The following AMBRA1 variants were observed in gnomAD, a reference collection of about 807,000 sequenced individuals.
The protein encoded by AMBRA1 is activating molecule in BECN1-regulated autophagy protein 1.
AMBRA1 carries 47 observed loss-of-function variants against 125.4 expected under a neutral mutation model. The observed-to-expected ratio is 0.37, with a 90% CI of 0.30 to 0.48. The LOEUF (loss-of-function observed/expected upper bound fraction) is 0.48, where lower values mean the gene tolerates loss of function less well. Ranked by LOEUF, AMBRA1 falls within the 20% of genes least tolerant of loss-of-function variation. The pLI is 0.99. For synonymous variants in AMBRA1, 626 were observed against 655.5 expected (o/e 0.95, Z 0.69); for missense variants, 1,331 against 1,693.4 (o/e 0.79, Z 3.76).
At chr11:46,562,254 A>G (rs1361759923) in intron 1 of AMBRA1, among the ~76,000 whole-genome samples, 2 of 152,230 alleles carry the variant, frequency 1.3e-5, no homozygotes, top group Non-Finnish European at 2.9e-5. Flanking sequence ...AGGAGTACCA[A>G]GTACTAAGGT....
chr11:46,527,193 TAGG>T (rs1021434445), intron 7 of AMBRA1, among the ~76,000 whole-genome samples: 1 of 151,844 alleles, frequency 6.6e-6, no homozygotes, highest in African/African-American at 2.4e-5. Context: ...ATCAAAGAAG[TAGG>T]AGGCCAGCAG....
At chr11:46,487,898 A>G (rs1399159512) in intron 11 of AMBRA1, among the ~76,000 whole-genome samples, 2 of 152,204 alleles carry the variant, frequency 1.3e-5, no homozygotes, top group African/African-American at 4.8e-5. Context: ...AGCTCCAATC[A>G]TATGCTTTCT....
intron 11 of AMBRA1, among the ~76,000 whole-genome samples, chr11:46,482,768 T>A (rs1950122663): frequency 1.3e-5 from 2 of 152,046 alleles, no homozygotes; most frequent in African/African-American, 4.8e-5. Flanking sequence ...CCCAGCACTT[T>A]GGGGTGCCGA....
At chr11:46,558,511 T>C (rs1304559599) in intron 1 of AMBRA1, among the ~76,000 whole-genome samples, 3 of 125,198 alleles carry the variant, frequency 2.4e-5, no homozygotes, top group Non-Finnish European at 4.6e-5. Flanking sequence ...ATCCCACTAC[T>C]GCAATCCAGC....
Position 46,542,145 on chromosome 11 carries a change from G to A in AMBRA1, c.1872C>T (p.Gly624=), listed in dbSNP as rs1952777821. 4 of 1,613,934 alleles carry A rather than the reference G, an allele frequency of 2.5e-6. No homozygotes were observed. The highest frequency in any genetic ancestry group is 2.5e-6 in the Non-Finnish European group (3 of 1,179,902). ...SQLPPLERTE[G]QTPSSSRLEL... is the part of the protein sequence containing the mutation. ...CCAGCCTGCTGGAGCTGGGCGTTTG[G>A]CCCTCAGTCCGCTCGAGAGGTGGCA... The change falls in exon 7 of 18, where the codon GGC becomes GGT. Residue 624 remains glycine (G), a synonymous_variant. Transcript: ENST00000683756. This position sits in a 1 kb window ranked among gnomAD's most constrained non-coding sequence, Gnocchi z 5.9.
intron 14 of AMBRA1, among the ~76,000 whole-genome samples, chr11:46,424,969 T>C (rs1398799776): frequency 6.6e-6 from 1 of 152,026 alleles, no homozygotes; most frequent in Non-Finnish European, 1.5e-5. Flanking sequence ...ACCCCATCTC[T>C]ACTAAAAATA....
At chr11:46,564,836 T>C (rs747702592) in intron 1 of AMBRA1, among the ~76,000 whole-genome samples, 1 of 152,250 alleles carries the variant, frequency 6.6e-6, no homozygotes, top group African/African-American at 2.4e-5. Flanking sequence ...ATTTGTAATA[T>C]ATACACAGAT....
chr11:46,554,076 G>A (rs2043096856), intron 1 of AMBRA1, among the ~76,000 whole-genome samples: 2 of 152,078 alleles, frequency 1.3e-5, no homozygotes, highest in South Asian at 2.1e-4. Flanking sequence ...CCAGGAAAGT[G>A]CCAAAAATAC....
chr11:46,584,535 A>T (rs1484677806), intron 1 of AMBRA1, among the ~76,000 whole-genome samples: 1 of 151,954 alleles, frequency 6.6e-6, no homozygotes, highest in Non-Finnish European at 1.5e-5. Flanking sequence ...ATAATAATAA[A>T]AAGAAAAAAA....
At position 46,521,471 on chromosome 11, in the gene AMBRA1, G is replaced by A. The variant is rs550946166; in HGVS notation, c.2073-8658C>T. Among the ~76,000 whole-genome samples the A allele has an allele frequency of 1.8e-4, 27 of 152,386 alleles. No homozygotes were observed. In the South Asian group the frequency reaches 2.5e-3, roughly 14 times the overall value. ...GGCAGGAGGCCAAATAAACTTGAAC[G>A]CACTGTGGCTTTCTTCATTTCTGAA... On this transcript the variant is annotated intron_variant, in intron 7 of 17. Transcript: ENST00000683756.
chr11:46,456,335 C>T (rs548655253), intron 11 of AMBRA1, among the ~76,000 whole-genome samples: 2 of 152,304 alleles, frequency 1.3e-5, no homozygotes, highest in East Asian at 1.9e-4. Flanking sequence ...TTAAGAATTA[C>T]TCTACCTCCA....
chr11:46,462,131 G>A (rs1028561815), intron 11 of AMBRA1, among the ~76,000 whole-genome samples: 2 of 152,172 alleles, frequency 1.3e-5, no homozygotes, highest in African/African-American at 2.4e-5. Flanking sequence ...GTATTTTGGT[G>A]TTTCCTTTTC....
intron 9 of AMBRA1, among the ~76,000 whole-genome samples, chr11:46,501,747 C>T (rs1950849403): frequency 6.6e-6 from 1 of 152,178 alleles, no homozygotes; most frequent in South Asian, 2.1e-4. Flanking sequence ...GTACAAACAG[C>T]TCACATTTAT....
chr11:46,482,003 C>A (rs1364942195), intron 11 of AMBRA1, among the ~76,000 whole-genome samples: 3 of 152,130 alleles, frequency 2.0e-5, no homozygotes, highest in African/African-American at 7.2e-5. Context: ...TCACGTTTTG[C>A]AAGTTTTGGT....
chr11:46,534,163 C>T (rs566131956), intron 7 of AMBRA1, among the ~76,000 whole-genome samples: 1 of 148,964 alleles, frequency 6.7e-6, no homozygotes, highest in South Asian at 2.2e-4. Flanking sequence ...GTCTTTCTCC[C>T]ATTAGAATGA....
At chr11:46,481,034 G>A (rs1565203787) in intron 11 of AMBRA1, among the ~76,000 whole-genome samples, 1 of 152,170 alleles carries the variant, frequency 6.6e-6, no homozygotes, top group African/African-American at 2.4e-5. Flanking sequence ...GCAACTTAAT[G>A]TCCTCTTGGC....
intron 11 of AMBRA1, among the ~76,000 whole-genome samples, chr11:46,445,391 G>A (rs1948233861): frequency 6.6e-6 from 1 of 151,770 alleles, no homozygotes; most frequent in African/African-American, 2.4e-5. Context: ...TGAGTCCACT[G>A]ACCTCAAATC....
In AMBRA1 at chr11:46,397,019, G is replaced by A. The variant is rs1945492281; in HGVS notation, c.*431C>T. Reference sequence around the variant, plus strand: ...TGGAGGTGGTGTCTGGGTTCCTGGTGGCTCTGCCCACCCAACAGGTGGACA... The same window carrying A: ...TGGAGGTGGTGTCTGGGTTCCTGGTAGCTCTGCCCACCCAACAGGTGGACA... On this transcript the variant is annotated 3_prime_UTR_variant, in exon 18 of 18. Transcript: ENST00000683756. 1 of 157,048 alleles carries A rather than the reference G, an allele frequency of 6.4e-6. No homozygotes were observed. Among genetic ancestry groups the A allele is most frequent in the Non-Finnish European group, 1.4e-5 (1 of 71,216 alleles). 9.7% of individuals were successfully genotyped at this position (157,048 alleles called of 1,614,324 possible).
intron 11 of AMBRA1, among the ~76,000 whole-genome samples, chr11:46,466,597 A>AT (rs1016347899): frequency 1.3e-5 from 2 of 152,240 alleles, no homozygotes; most frequent in African/African-American, 4.8e-5. Flanking sequence ...TATATAAATA[A>AT]TAATAGAGAT....
Sources: gnomAD v4.1 joint callset for allele counts (sites outside exome capture counted in the v4.1 genomes callset) on GRCh38, gnomAD v4.1.1 for gene constraint, Gnocchi (gnomAD v3.1) non-coding constraint, MANE v1.5 for transcripts, NCBI Gene and HGNC (gene_info 2026-07-23, HGNC 2026-07-21) for gene names.